CNTN5: variants seen among roughly 807,000 people sequenced by gnomAD.
The protein encoded by CNTN5 is contactin 5, also known as contactin-5.
CNTN5 carries 77 observed loss-of-function variants against 129.1 expected under a neutral mutation model. That is an observed-to-expected ratio of 0.60 (90% CI 0.50 to 0.72). CNTN5 has a LOEUF of 0.72. Ranked by LOEUF, CNTN5 falls within the 30% of genes least tolerant of loss-of-function variation. CNTN5 has a pLI of 0.00. For missense variants in CNTN5, 1,478 were observed against 1,328.8 expected (o/e 1.11, Z -1.75); for synonymous variants, 509 against 465.6 (o/e 1.09, Z -1.20).
intron 13 of CNTN5, among the ~76,000 whole-genome samples, chr11:100,090,635 A>G (rs1333858680): frequency 4.0e-5 from 6 of 148,770 alleles, no homozygotes; most frequent in African/African-American, 1.5e-4. Context: ...AGGAAGTCCC[A>G]GTACAAGCTA....
chr11:99,991,647 A>G (rs970209646), intron 8 of CNTN5, among the ~76,000 whole-genome samples: 2 of 152,288 alleles, frequency 1.3e-5, no homozygotes, highest in Non-Finnish European at 2.9e-5. Flanking sequence ...TCTCTCCTCT[A>G]TCTGTATTGA....
intron 8 of CNTN5, among the ~76,000 whole-genome samples, chr11:99,999,742 G>A (rs1448270352): frequency 6.6e-6 from 1 of 151,956 alleles, no homozygotes; most frequent in East Asian, 1.9e-4. Flanking sequence ...CAATAGCAAA[G>A]ACTTGGAACC....
At chr11:100,006,710 C>A (rs1364672770) in intron 9 of CNTN5, among the ~76,000 whole-genome samples, 2 of 152,078 alleles carry the variant, frequency 1.3e-5, no homozygotes, top group African/African-American at 4.8e-5. Context: ...GTTAGAACCA[C>A]TTCTTCCAAA....
chr11:99,710,774 G>A (rs550124367), intron 3 of CNTN5, among the ~76,000 whole-genome samples: 44 of 151,858 alleles, frequency 2.9e-4, no homozygotes, highest in Non-Finnish European at 4.6e-4. Flanking sequence ...AAAGGGAATA[G>A]GGATGTTCAT....
intron 13 of CNTN5, among the ~76,000 whole-genome samples, chr11:100,127,651 CTT>C (rs66468227): frequency 7.4e-5 from 6 of 81,278 alleles, no homozygotes; most frequent in African/African-American, 2.0e-4. Context: ...TTCTTTCTTT[CTT>C]TTTTTTTTTT....
At chr11:100,288,913 AT>A (rs1286553602) in intron 18 of CNTN5, among the ~76,000 whole-genome samples, 1 of 152,038 alleles carries the variant, frequency 6.6e-6, no homozygotes, top group African/African-American at 2.4e-5. Context: ...ACAATAAAAA[AT>A]GATAAAGGAG....
chr11:100,248,403 G>T (rs1273642834), intron 16 of CNTN5, among the ~76,000 whole-genome samples: 2 of 151,884 alleles, frequency 1.3e-5, no homozygotes, highest in African/African-American at 4.8e-5. Flanking sequence ...AAAATTAGCT[G>T]GGCATGGTGG....
rs1167093054 is a variant in CNTN5, at chr11:100,118,472, C to T, written c.1580+44178C>T. Among the ~76,000 whole-genome samples, 3 of 151,892 alleles carry T rather than the reference C, an allele frequency of 2.0e-5. No homozygotes were observed. In the South Asian group the frequency reaches 6.2e-4, roughly 31 times the overall value. On this transcript the variant is annotated intron_variant, in intron 13 of 24. Transcript: ENST00000524871. Reference sequence around the variant, plus strand: ...TGACATTGATATAAAATGCAAATGACTCTTTGAATCAATAATAAATTACTG... The same window carrying T: ...TGACATTGATATAAAATGCAAATGATTCTTTGAATCAATAATAAATTACTG...
intron 3 of CNTN5, among the ~76,000 whole-genome samples, chr11:99,620,924 AT>A (rs145146194): frequency 2.7e-4 from 30 of 110,618 alleles, no homozygotes; most frequent in African/African-American, 5.0e-4. Context: ...TATACTTAGA[AT>A]TTTTTTTCTT....
intron 2 of CNTN5, among the ~76,000 whole-genome samples, chr11:99,421,808 T>A (rs1052860552): frequency 4.6e-5 from 7 of 152,150 alleles, no homozygotes; most frequent in African/African-American, 1.7e-4. Flanking sequence ...TGAATCCAAT[T>A]CACTGCCTAT....
chr11:99,177,356 C>T (rs569148250), intron 1 of CNTN5, among the ~76,000 whole-genome samples: 1 of 152,240 alleles, frequency 6.6e-6, no homozygotes, highest in African/African-American at 2.4e-5. Flanking sequence ...AATAGTGTCT[C>T]GCACATGGTT....
chr11:99,335,457 T>C (rs1866181758), intron 2 of CNTN5, among the ~76,000 whole-genome samples: 1 of 152,026 alleles, frequency 6.6e-6, no homozygotes, highest in Non-Finnish European at 1.5e-5. Context: ...CTGGATTTCC[T>C]TTAGGCATAC....
intron 2 of CNTN5, among the ~76,000 whole-genome samples, chr11:99,475,226 G>A (rs1945325754): frequency 6.6e-6 from 1 of 152,188 alleles, no homozygotes; most frequent in South Asian, 2.1e-4. Context: ...TTATAAGATG[G>A]ATGAGTTTGG....
chr11:100,344,646 G>C (rs913780757), intron 23 of CNTN5, among the ~76,000 whole-genome samples: 1 of 152,058 alleles, frequency 6.6e-6, no homozygotes, highest in Non-Finnish European at 1.5e-5. Flanking sequence ...AATAATTTGA[G>C]TGTTCTTAGC....
chr11:100,037,700 G>T (rs1023803649), intron 9 of CNTN5, among the ~76,000 whole-genome samples: 9 of 152,114 alleles, frequency 5.9e-5, no homozygotes, highest in Admixed American at 3.3e-4. Flanking sequence ...GTCTTGGGAG[G>T]ATGTATGTGT....
chr11:99,377,536 TA>T (rs753585461), intron 2 of CNTN5, among the ~76,000 whole-genome samples: 12 of 152,250 alleles, frequency 7.9e-5, no homozygotes, highest in Non-Finnish European at 1.5e-4. Flanking sequence ...TTCTATGAAT[TA>T]GAAGGCCTCA....
chr11:100,056,901 CAACT>C (rs990896053), intron 9 of CNTN5, among the ~76,000 whole-genome samples: 2 of 151,610 alleles, frequency 1.3e-5, no homozygotes, highest in Non-Finnish European at 3.0e-5. Context: ...ATCTGAATGA[CAACT>C]AACAAAAGCT....
In CNTN5 at chr11:100,357,970, G is replaced by GT. The variant is rs1407409508; in HGVS notation, c.*1751dup. 1.3e-5 allele frequency: 2 copies of GT among 151,828 alleles called. No homozygotes were observed. Among genetic ancestry groups the GT allele is most frequent in the Middle Eastern group, 3.2e-3 (1 of 316 alleles). The allele number at this position is 151,828 out of a possible 1,614,324, so 9.4% of individuals were successfully genotyped here. On this transcript the variant is annotated 3_prime_UTR_variant, in exon 25 of 25. Coordinates refer to ENST00000524871, the MANE Select transcript of CNTN5 (RefSeq NM_014361.4). Reference sequence around the variant, plus strand: ...CTACAGATGGTAAGTATTTAAGCCTGTAAGTAAGTAATTATGACCAAGTGG... The same window carrying GT: ...CTACAGATGGTAAGTATTTAAGCCTGTTAAGTAAGTAATTATGACCAAGTGG...
intron 15 of CNTN5, among the ~76,000 whole-genome samples, chr11:100,221,536 T>G (rs1439157329): frequency 1.3e-5 from 2 of 152,216 alleles, no homozygotes; most frequent in Non-Finnish European, 2.9e-5. Flanking sequence ...TTAGTAAATG[T>G]CACAGTAATC....
Sources: gnomAD v4.1 joint callset for allele counts (sites outside exome capture counted in the v4.1 genomes callset) on GRCh38, gnomAD v4.1.1 for gene constraint, MANE v1.5 for transcripts, NCBI Gene and HGNC (gene_info 2026-07-23, HGNC 2026-07-21) for gene names.